LAPTM5: variants seen among roughly 807,000 people sequenced by gnomAD.
LAPTM5 encodes the protein lysosomal protein transmembrane 5.
LAPTM5 carries 11 observed loss-of-function variants against 30.1 expected under a neutral mutation model. The ratio of observed to expected loss-of-function variants is 0.37; its 90% confidence interval spans 0.23 to 0.60. The LOEUF is 0.60. Among genes scored for constraint, LAPTM5 ranks in the 20% least tolerant of loss-of-function variants. The pLI is 0.71. For missense variants in LAPTM5, 324 were observed against 332.5 expected (o/e 0.97, Z 0.20); for synonymous variants, 151 against 137.9 (o/e 1.10, Z -0.67).
At chr1:30,748,317 C>T (rs1010316581) in intron 1 of LAPTM5, among the ~76,000 whole-genome samples, 1 of 152,138 alleles carries the variant, frequency 6.6e-6, no homozygotes, top group African/African-American at 2.4e-5. Context: ...TCCCAACAGA[C>T]AATGCAGTTT....
intron 1 of LAPTM5, among the ~76,000 whole-genome samples, chr1:30,747,625 G>A (rs1345554180): frequency 1.3e-5 from 2 of 152,180 alleles, no homozygotes; most frequent in African/African-American, 4.8e-5. Flanking sequence ...GGGGCAGGGG[G>A]ATTTGTTTCT....
In LAPTM5 at chr1:30,739,765, C is replaced by G. The variant is rs768047470; in HGVS notation, c.387+44G>C. 1.3e-6 allele frequency: 2 copies of G among 1,547,672 alleles called. No individual in the cohort carries two copies. The highest frequency in any genetic ancestry group is 2.0e-5 in the Admixed American group (1 of 50,892). ...GTCCCCTCCCATCTCCCATGCCAGA[C>G]CTGGGCTCTGCTGTCCGGTGAGAGG... On this transcript the variant is annotated intron_variant, in intron 4 of 7. Transcript: ENST00000294507. The surrounding 1 kb of genome is among the most constrained non-coding windows in gnomAD (Gnocchi z 4.2).
intron 1 of LAPTM5, among the ~76,000 whole-genome samples, chr1:30,743,859 A>G (rs1371880856): frequency 7.7e-6 from 1 of 129,830 alleles, no homozygotes; most frequent in Non-Finnish European, 1.5e-5. Context: ...GCCACATTAC[A>G]TCCTGTTTAG....
intron 1 of LAPTM5, among the ~76,000 whole-genome samples, chr1:30,743,169 T>C (rs1266931183): frequency 6.6e-6 from 1 of 152,180 alleles, no homozygotes; most frequent in East Asian, 1.9e-4. Context: ...GATGGGATAA[T>C]TCACTTAAAG....
intron 1 of LAPTM5, among the ~76,000 whole-genome samples, chr1:30,744,737 A>T (rs149678853): frequency 1.3e-5 from 2 of 152,138 alleles, no homozygotes; most frequent in East Asian, 3.9e-4. Context: ...TGCTGTTCTG[A>T]TGCCTTCCCA....
chr1:30,757,759 C>G lies in LAPTM5; in HGVS notation c.-14G>C. 1 of 1,611,928 alleles carries G rather than the reference C, an allele frequency of 6.2e-7. No individual in the cohort carries two copies. The highest frequency in any genetic ancestry group is 8.5e-7 in the Non-Finnish European group (1 of 1,179,196). ...GCGGGGGTCCATGGTGCTGCCGTCC[C>G]CTCCTCTGAGACACTGAAGGGGAAA... On this transcript the variant is annotated 5_prime_UTR_variant, in exon 1 of 8. Transcript: ENST00000294507.
At chr1:30,754,780 G>A (rs1243159870) in intron 1 of LAPTM5, among the ~76,000 whole-genome samples, 5 of 152,172 alleles carry the variant, frequency 3.3e-5, no homozygotes, top group South Asian at 2.1e-4. Context: ...TCAATAGAGC[G>A]TGGCACTGTC....
In LAPTM5 at chr1:30,742,521, T is replaced by G. The variant is rs1267801217; in HGVS notation, c.116A>C (p.His39Pro). Reference protein sequence around the residue: ...VIMSVLLFIEHSVEVAHGKAS... With the variant: ...VIMSVLLFIEPSVEVAHGKAS... The stretch of plus-strand genomic sequence containing the variant: ...CTTGCCATGGGCCACCTCTACTGAG[T>G]GCTCGATGAACAACAAGACGCTCAT... The change falls in exon 2 of 8, where the codon CAC becomes CCC. Residue 39 changes from histidine (H) to proline (P), a missense_variant. Coordinates refer to ENST00000294507, the MANE Select transcript of LAPTM5 (RefSeq NM_006762.3). 6 of 1,613,670 alleles carry G rather than the reference T, an allele frequency of 3.7e-6. No homozygotes were observed. The highest frequency in any genetic ancestry group is 5.1e-6 in the Non-Finnish European group (6 of 1,179,920).
chr1:30,739,200 G>C lies in LAPTM5; in HGVS notation c.388-138C>G. 8.8e-7 allele frequency: 1 copy of C among 1,133,176 alleles called. No homozygotes were observed. The highest frequency in any genetic ancestry group is 1.2e-6 in the Non-Finnish European group (1 of 811,766). The allele number at this position is 1,133,176 out of a possible 1,614,324, so 70.2% of individuals were successfully genotyped here. A position where few individuals can be genotyped will look rare whatever the true frequency, so the allele number is the denominator to read the frequency against. On this transcript the variant is annotated intron_variant, in intron 4 of 7. Coordinates refer to ENST00000294507, the MANE Select transcript of LAPTM5 (RefSeq NM_006762.3). The surrounding 1 kb of genome is among the most constrained non-coding windows in gnomAD (Gnocchi z 4.2). ...GTGACTCTCGTCCCCTGTGCACAGA[G>C]AGACATGAACACACAGATGTTCATA...
chr1:30,739,717 C>A lies in LAPTM5; in HGVS notation c.387+92G>T. 7.0e-7 allele frequency: 1 copy of A among 1,422,406 alleles called. No homozygotes were observed. Among genetic ancestry groups the A allele is most frequent in the Admixed American group, 2.6e-5 (1 of 39,000 alleles). The allele number at this position is 1,422,406 out of a possible 1,614,324, so 88.1% of individuals were successfully genotyped here. A position where few individuals can be genotyped will look rare whatever the true frequency, so the allele number is the denominator to read the frequency against. ...GGAAGAGGGCTCCTACCCTCCCCAG[C>A]CTGAGCACAGGGCCCGTGTCTGGTC... On this transcript the variant is annotated intron_variant, in intron 4 of 7. Transcript: ENST00000294507. The surrounding 1 kb of genome is among the most constrained non-coding windows in gnomAD (Gnocchi z 4.2).
At position 30,739,645 on chromosome 1, in the gene LAPTM5, T is replaced by C. The variant is rs1031624936; in HGVS notation, c.387+164A>G. ...AGGTACATTCCACAGAGGAAGAAAC[T>C]TGGGGCAATGTGGAGGGACTCAGAG... is the stretch of plus-strand genomic sequence containing the variant. On this transcript the variant is annotated intron_variant, in intron 4 of 7. Transcript: ENST00000294507. This position sits in a 1 kb window ranked among gnomAD's most constrained non-coding sequence, Gnocchi z 4.2. Among the ~76,000 whole-genome samples the C allele has an allele frequency of 2.0e-5, 3 of 152,102 alleles. No individual in the cohort carries two copies. The highest frequency in any genetic ancestry group is 7.2e-5 in the African/African-American group (3 of 41,426).
At chr1:30,743,805 T>TG (rs1640006447) in intron 1 of LAPTM5, among the ~76,000 whole-genome samples, 1 of 148,176 alleles carries the variant, frequency 6.7e-6, no homozygotes, top group African/African-American at 2.5e-5. Flanking sequence ...GTTTTTTTTT[T>TG]TTTTTTTTTT....
Position 30,757,722 on chromosome 1 carries a change from G to C in LAPTM5, c.24C>G (p.Val8=). ...CATTGAAGCAGCAGCAGGTCTGGCG[G>C]ACAGTGGACAAGCGGGGGTCCATGG... MDPRLST[V]RQTCCCFNVR... is the part of the protein sequence containing the mutation. The change falls in exon 1 of 8, where the codon GTC becomes GTG. Residue 8 remains valine, a synonymous_variant. Coordinates refer to ENST00000294507, the MANE Select transcript of LAPTM5 (RefSeq NM_006762.3). 6.2e-7 allele frequency: 1 copy of C among 1,613,818 alleles called. No individual in the cohort carries two copies. The highest frequency in any genetic ancestry group is 8.5e-7 in the Non-Finnish European group (1 of 1,180,012).
intron 5 of LAPTM5, 132 bp from the exon 6 acceptor site, chr1:30,737,831 C>G (rs1279903804): frequency 3.4e-6 from 2 of 591,040 alleles, no homozygotes; most frequent in Non-Finnish European, 6.0e-6. Flanking sequence ...TCACCTTGGT[C>G]GACCGCCACA....
At chr1:30,736,224 G>T (rs756057209) in intron 6 of LAPTM5, among the ~76,000 whole-genome samples, 9 of 152,234 alleles carry the variant, frequency 5.9e-5, no homozygotes, top group African/African-American at 7.2e-5. Context: ...ATGCTAAAAG[G>T]GGCAAGGTTC....
intron 1 of LAPTM5, among the ~76,000 whole-genome samples, chr1:30,752,831 T>TTA (rs1553127829): frequency 1.3e-5 from 2 of 151,750 alleles, no homozygotes; most frequent in African/African-American, 2.4e-5. Flanking sequence ...TTTTTTTTTT[T>TTA]AAAGAGTCTC....
At chr1:30,755,799 G>A (rs56126824) in intron 1 of LAPTM5, among the ~76,000 whole-genome samples, 4,460 of 152,318 alleles carry the variant, frequency 0.029, 80 homozygotes, top group Non-Finnish European at 0.045. Flanking sequence ...TGAAACATCA[G>A]AAGATGTGAC....
At chr1:30,753,594 T>C (rs1374463927) in intron 1 of LAPTM5, among the ~76,000 whole-genome samples, 2 of 151,926 alleles carry the variant, frequency 1.3e-5, no homozygotes, top group African/African-American at 4.8e-5. Context: ...TGACAAATAC[T>C]CCTCGAACTG....
In LAPTM5 at chr1:30,732,667, G is replaced by A. The variant is rs1639828905; in HGVS notation, c.*1161C>T. ...ACACACAGGGAAGCAGGCACAGGAG[G>A]GCTGTTGGGGCCAAACCTCCCCAGC... On this transcript the variant is annotated 3_prime_UTR_variant, in exon 8 of 8. Coordinates refer to ENST00000294507, the MANE Select transcript of LAPTM5 (RefSeq NM_006762.3). 6.6e-6 allele frequency: 1 copy of A among 151,996 alleles called. No individual in the cohort carries two copies. The highest frequency in any genetic ancestry group is 1.5e-5 in the Non-Finnish European group (1 of 68,022). 9.4% of individuals were successfully genotyped at this position (151,996 alleles called of 1,614,324 possible). A position where few individuals can be genotyped will look rare whatever the true frequency, so the allele number is the denominator to read the frequency against.
Sources: allele counts gnomAD v4.1 joint callset (sites outside exome capture counted in the v4.1 genomes callset), GRCh38; gene constraint gnomAD v4.1.1; non-coding constraint Gnocchi (gnomAD v3.1); transcripts MANE v1.5; gene names NCBI Gene and HGNC (gene_info 2026-07-23, HGNC 2026-07-21).